The following TESK2 variants were observed in gnomAD, a reference collection of about 807,000 sequenced individuals.
TESK2 encodes the protein testis associated actin remodelling kinase 2, also known as dual specificity testis-specific protein kinase 2.
TESK2 carries 39 observed loss-of-function variants against 57.1 expected under a neutral mutation model. That is an observed-to-expected ratio of 0.68 (90% CI 0.53 to 0.89). The LOEUF (loss-of-function observed/expected upper bound fraction) is 0.89. Ranked by LOEUF, TESK2 falls within the 40% of genes least tolerant of loss-of-function variation. The probability of loss-of-function intolerance (pLI) is 0.00; values close to 1 mark genes in which losing one functional copy is unlikely to be tolerated. For missense variants in TESK2, 646 were observed against 732.1 expected (o/e 0.88, Z 1.36); for synonymous variants, 249 against 267.9 (o/e 0.93, Z 0.69).
intron 3 of TESK2, among the ~76,000 whole-genome samples, chr1:45,419,572 G>A (rs542991390): frequency 2.6e-4 from 40 of 151,902 alleles, no homozygotes; most frequent in African/African-American, 4.6e-4. Context: ...TTGGGAGGCC[G>A]AAGCAGGTGG....
intron 1 of TESK2, among the ~76,000 whole-genome samples, chr1:45,478,785 A>G (rs1022072386): frequency 7.6e-4 from 115 of 151,064 alleles, no homozygotes; most frequent in Non-Finnish European, 1.4e-3. Context: ...GAGCAGTGGC[A>G]CAATCTCAGC....
intron 3 of TESK2, among the ~76,000 whole-genome samples, chr1:45,410,909 G>A (rs1230569092): frequency 1.3e-5 from 2 of 152,026 alleles, no homozygotes; most frequent in Non-Finnish European, 2.9e-5. Flanking sequence ...TTTGTCTTTG[G>A]TCATTCCTGG....
At chr1:45,488,836 T>C (rs1365382347) in intron 1 of TESK2, among the ~76,000 whole-genome samples, 2 of 152,102 alleles carry the variant, frequency 1.3e-5, no homozygotes, top group Non-Finnish European at 2.9e-5. Flanking sequence ...CAAAACTGCA[T>C]TTCAGAGGAA....
chr1:45,463,935 A>G (rs1428847539), intron 1 of TESK2, among the ~76,000 whole-genome samples: 1 of 152,078 alleles, frequency 6.6e-6, no homozygotes, highest in African/African-American at 2.4e-5. Flanking sequence ...TTTGGTTACA[A>G]TAGCTCTGTG....
At chr1:45,428,816 A>ATTTTTTTTTTTT (rs71052876) in intron 2 of TESK2, among the ~76,000 whole-genome samples, 2 of 82,592 alleles carry the variant, frequency 2.4e-5, no homozygotes, top group Non-Finnish European at 2.1e-5. Flanking sequence ...TAAATTCCTG[A>ATTTTTTTTTTTT]TTTTTTTTTT....
At position 45,360,307 on chromosome 1, in the gene TESK2, G is replaced by A; in HGVS notation, c.394-4858C>T. ...CAGGCAGATTTCTTTAGCTCTGAAA[G>A]TCAAAAGGTAGGCAGTGGTTCACTT... On this transcript the variant is annotated intron_variant, in intron 4 of 10. Transcript: ENST00000372086. 1.3e-5 allele frequency among the ~76,000 whole-genome samples: 2 copies of A among 152,146 alleles called. 1 individual carries two copies. The highest frequency in any genetic ancestry group is 2.9e-5 in the Non-Finnish European group (2 of 68,038).
chr1:45,403,230 TG>T lies in TESK2; in HGVS notation c.345-17271del, dbSNP rs371244221. Among the ~76,000 whole-genome samples, 116 of 115,592 alleles carry T rather than the reference TG, an allele frequency of 1.0e-3. 1 individual carries two copies. In the Admixed American group the frequency reaches 0.012, roughly 12 times the overall value. The allele number at this position is 115,592 out of a possible 152,430, so 75.8% of individuals were successfully genotyped here. A position where few individuals can be genotyped will look rare whatever the true frequency, so the allele number is the denominator to read the frequency against. ...AGGTTGAGACTACAGTGAGCCGTGA[TG>T]GGAAAAAAAAAAAAAAAGAAAGAAA... On this transcript the variant is annotated intron_variant, in intron 3 of 10. Transcript: ENST00000372086.
chr1:45,474,766 C>A (rs1652915502), intron 1 of TESK2, among the ~76,000 whole-genome samples: 2 of 151,380 alleles, frequency 1.3e-5, no homozygotes, highest in South Asian at 4.2e-4. Flanking sequence ...GTGTGAGCCA[C>A]CACACCTGGC....
intron 1 of TESK2, among the ~76,000 whole-genome samples, chr1:45,466,003 C>G (rs916355953): frequency 6.6e-6 from 1 of 152,008 alleles, no homozygotes; most frequent in Non-Finnish European, 1.5e-5. Flanking sequence ...CACAACCACC[C>G]CACAGTATAC....
At chr1:45,352,747 G>T (rs1336181719) in intron 5 of TESK2, among the ~76,000 whole-genome samples, 1 of 152,114 alleles carries the variant, frequency 6.6e-6, no homozygotes, top group African/African-American at 2.4e-5. Flanking sequence ...GTGTGTGTGT[G>T]TGGGGGGAGT....
intron 3 of TESK2, among the ~76,000 whole-genome samples, chr1:45,393,944 A>G (rs1281225195): frequency 6.6e-6 from 1 of 152,158 alleles, no homozygotes; most frequent in Non-Finnish European, 1.5e-5. Context: ...AATCATTGTC[A>G]TGTCACAAGA....
At chr1:45,416,072 C>CTTTTTTTTTT (rs34785518) in intron 3 of TESK2, among the ~76,000 whole-genome samples, 1 of 59,282 alleles carries the variant, frequency 1.7e-5, no homozygotes, top group Non-Finnish European at 2.7e-5. Flanking sequence ...AATCTAGAGC[C>CTTTTTTTTTT]TTTTTTTTTT....
At position 45,368,698 on chromosome 1, in the gene TESK2, C is replaced by T. The variant is rs542525449; in HGVS notation, c.394-13249G>A. On this transcript the variant is annotated intron_variant, in intron 4 of 10. Coordinates refer to ENST00000372086, the MANE Select transcript of TESK2 (RefSeq NM_007170.3). ...CTGGTTGGTTGTTTGTTTTTTGAGACGGAGTTTTGCTCTTGTTGCCCAGGT... is the reference window on the plus strand; with the variant it reads ...CTGGTTGGTTGTTTGTTTTTTGAGATGGAGTTTTGCTCTTGTTGCCCAGGT... 9.5e-4 allele frequency among the ~76,000 whole-genome samples: 143 copies of T among 150,992 alleles called. 1 individual carries two copies. Among genetic ancestry groups the T allele is most frequent in the Non-Finnish European group, 1.6e-3 (105 of 67,720 alleles).
At chr1:45,425,961 A>G (rs1358032803) in intron 2 of TESK2, among the ~76,000 whole-genome samples, 1 of 151,874 alleles carries the variant, frequency 6.6e-6, no homozygotes, top group Non-Finnish European at 1.5e-5. Context: ...CCTGGCCAAC[A>G]TGGTGAAACC....
At chr1:45,451,487 G>A (rs903032895) in intron 2 of TESK2, among the ~76,000 whole-genome samples, 1 of 152,174 alleles carries the variant, frequency 6.6e-6, no homozygotes, top group Non-Finnish European at 1.5e-5. Context: ...CCTGAGGGAG[G>A]CAGCATTCCT....
At chr1:45,434,472 T>C (rs1651111985) in intron 2 of TESK2, among the ~76,000 whole-genome samples, 1 of 138,288 alleles carries the variant, frequency 7.2e-6, no homozygotes, top group Admixed American at 7.5e-5. Flanking sequence ...TTTTTTTTTT[T>C]GTAGAGATGG....
Position 45,344,970 on chromosome 1 carries a change from T to C in TESK2, c.1586A>G (p.Gln529Arg). Residue 529 changes from glutamine (Q) to arginine (R), a missense_variant, in exon 11 of 11, where the codon CAG becomes CGG. Coordinates refer to ENST00000372086, the MANE Select transcript of TESK2 (RefSeq NM_007170.3). Reference sequence around the variant, plus strand: ...ACCCGCAGGGCATGGACTGGTCCCCTGGGGCCTGGACCCAAAACCATTTTC... The same window carrying C: ...ACCCGCAGGGCATGGACTGGTCCCCCGGGGCCTGGACCCAAAACCATTTTC... ...QEENGFGSRP[Q>R]GTSPCPAGAS... The C allele has an allele frequency of 6.2e-7, 1 of 1,614,240 alleles. No individual in the cohort carries two copies. Among genetic ancestry groups the C allele is most frequent in the African/African-American group, 1.3e-5 (1 of 75,070 alleles).
At chr1:45,375,355 C>T (rs571167115) in intron 4 of TESK2, among the ~76,000 whole-genome samples, 47 of 152,130 alleles carry the variant, frequency 3.1e-4, no homozygotes, top group African/African-American at 1.1e-3. Context: ...CTTCTGCCTC[C>T]ACGCCTTTGC....
chr1:45,485,545 G>A (rs566519304), intron 1 of TESK2, among the ~76,000 whole-genome samples: 2 of 142,790 alleles, frequency 1.4e-5, no homozygotes, highest in Admixed American at 1.5e-4. Context: ...TTGAGACGGA[G>A]TCTCACTCTG....
Sources: gnomAD v4.1 joint callset for allele counts (sites outside exome capture counted in the v4.1 genomes callset) on GRCh38, gnomAD v4.1.1 for gene constraint, MANE v1.5 for transcripts, NCBI Gene and HGNC (gene_info 2026-07-23, HGNC 2026-07-21) for gene names.